The following FER variants were observed in gnomAD, a reference collection of about 807,000 sequenced individuals.
FER encodes tyrosine-protein kinase Fer.
FER carries 63 observed loss-of-function variants against 111.0 expected under a neutral mutation model. The observed-to-expected ratio is 0.57, with a 90% CI of 0.46 to 0.70. FER has a LOEUF of 0.70. Among genes scored for constraint, FER ranks in the 30% least tolerant of loss-of-function variants. The probability of loss-of-function intolerance (pLI) is 0.00; values close to 1 mark genes in which losing one functional copy is unlikely to be tolerated. For synonymous variants in FER, 327 were observed against 313.9 expected (o/e 1.04, Z -0.44); for missense variants, 914 against 954.0 (o/e 0.96, Z 0.55).
At chr5:109,024,708 A>T (rs114363232) in intron 13 of FER, among the ~76,000 whole-genome samples, 1,542 of 152,298 alleles carry the variant, frequency 0.01, 22 homozygotes, top group African/African-American at 0.035. Flanking sequence ...TCCTGAGAGC[A>T]GAAACTATAT....
chr5:109,070,041 C>T (rs1775584489), intron 16 of FER, among the ~76,000 whole-genome samples: 3 of 151,976 alleles, frequency 2.0e-5, no homozygotes, highest in South Asian at 2.1e-4. Context: ...GCCTATTCTC[C>T]TCATTAAGTG....
chr5:108,888,884 A>AC (rs530371922), intron 9 of FER, among the ~76,000 whole-genome samples: 79 of 151,896 alleles, frequency 5.2e-4, no homozygotes, highest in African/African-American at 1.6e-3. Context: ...AGAGACATAC[A>AC]CCCCCTGCAA....
intron 3 of FER, among the ~76,000 whole-genome samples, chr5:108,812,063 A>C (rs1757821901): frequency 6.6e-6 from 1 of 152,180 alleles, no homozygotes; most frequent in Admixed American, 6.5e-5. Context: ...AAAATTAAAC[A>C]TCACAGTTTC....
At chr5:109,096,482 C>G (rs1165260435) in intron 16 of FER, among the ~76,000 whole-genome samples, 1 of 151,882 alleles carries the variant, frequency 6.6e-6, no homozygotes, top group African/African-American at 2.4e-5. Context: ...TGGCTAGTAT[C>G]TTCACTCTTT....
intron 19 of FER, among the ~76,000 whole-genome samples, chr5:109,186,875 G>T (rs919160896): frequency 2.6e-5 from 4 of 152,200 alleles, no homozygotes; most frequent in South Asian, 2.1e-4. Context: ...CCAGTGAGGG[G>T]CATGGTTGTA....
At chr5:109,109,748 G>C (rs1157029237) in intron 17 of FER, among the ~76,000 whole-genome samples, 2 of 152,074 alleles carry the variant, frequency 1.3e-5, no homozygotes, top group East Asian at 3.8e-4. Flanking sequence ...TCCAGAAAAA[G>C]ATAGCCACAT....
At chr5:109,062,955 A>C (rs1256331298) in intron 16 of FER, among the ~76,000 whole-genome samples, 2 of 152,216 alleles carry the variant, frequency 1.3e-5, no homozygotes, top group Admixed American at 1.3e-4. Flanking sequence ...AGAATTTTTG[A>C]AGAGTTTTCA....
At chr5:108,758,133 C>T (rs975807205) in intron 1 of FER, among the ~76,000 whole-genome samples, 1 of 152,148 alleles carries the variant, frequency 6.6e-6, no homozygotes, top group Non-Finnish European at 1.5e-5. Context: ...AGGAATGGGA[C>T]AGAAAGCAGG....
At chr5:109,008,737 T>C (rs1765819986) in intron 13 of FER, among the ~76,000 whole-genome samples, 1 of 152,182 alleles carries the variant, frequency 6.6e-6, no homozygotes, top group Non-Finnish European at 1.5e-5. Context: ...TCCCAGCCTT[T>C]TGGGAGGCCG....
chr5:109,063,619 G>C (rs187359112), intron 16 of FER, among the ~76,000 whole-genome samples: 3 of 152,122 alleles, frequency 2.0e-5, no homozygotes, highest in African/African-American at 4.8e-5. Context: ...TTTTGAGGCC[G>C]ATTAAAAGAA....
At chr5:109,072,387 A>G (rs894560220) in intron 16 of FER, among the ~76,000 whole-genome samples, 3 of 151,094 alleles carry the variant, frequency 2.0e-5, no homozygotes, top group Non-Finnish European at 3.0e-5. Context: ...TTTTAATGGC[A>G]ACAACCGCGA....
intron 3 of FER, among the ~76,000 whole-genome samples, chr5:108,817,809 T>C (rs748461460): frequency 1.3e-5 from 2 of 152,222 alleles, no homozygotes; most frequent in African/African-American, 4.8e-5. Flanking sequence ...TTTCCCCTTA[T>C]GTGTAGTTTT....
At chr5:109,124,263 C>T (rs1293996850) in intron 17 of FER, among the ~76,000 whole-genome samples, 3 of 152,128 alleles carry the variant, frequency 2.0e-5, no homozygotes, top group Admixed American at 6.5e-5. Flanking sequence ...AAACTAGGTG[C>T]TTGGCAGTTT....
chr5:108,935,614 A>T (rs1755355206), intron 10 of FER, among the ~76,000 whole-genome samples: 1 of 152,130 alleles, frequency 6.6e-6, no homozygotes, highest in African/African-American at 2.4e-5. Flanking sequence ...TTATCAAGAA[A>T]GTTCTCAAAA....
At chr5:108,990,934 C>T (rs1028095386) in intron 13 of FER, among the ~76,000 whole-genome samples, 1 of 151,618 alleles carries the variant, frequency 6.6e-6, no homozygotes, top group Non-Finnish European at 1.5e-5. Context: ...AAAATATGTA[C>T]ATAACTTATG....
At chr5:109,142,830 G>A (rs1753671526) in intron 17 of FER, among the ~76,000 whole-genome samples, 1 of 152,124 alleles carries the variant, frequency 6.6e-6, no homozygotes, top group Non-Finnish European at 1.5e-5. Flanking sequence ...TCTGTGGAAG[G>A]TTGTGTTTTA....
At chr5:108,885,166 C>T (rs767936355) in intron 9 of FER, among the ~76,000 whole-genome samples, 5 of 151,922 alleles carry the variant, frequency 3.3e-5, no homozygotes, top group South Asian at 2.1e-4. Context: ...TTCTGAACTC[C>T]GTGGCCATGT....
intron 10 of FER, among the ~76,000 whole-genome samples, chr5:108,920,838 T>C (rs1425521344): frequency 6.6e-6 from 1 of 152,172 alleles, no homozygotes; most frequent in South Asian, 2.1e-4. Flanking sequence ...TATTCCTATA[T>C]AACCAGAATG....
chr5:109,174,731 C>T (rs189980953), intron 17 of FER, among the ~76,000 whole-genome samples: 71 of 152,250 alleles, frequency 4.7e-4, no homozygotes, highest in African/African-American at 1.6e-3. Context: ...ACTTCCTTTC[C>T]TAAAGGTCAT....
Sources: allele counts gnomAD v4.1 joint callset (sites outside exome capture counted in the v4.1 genomes callset), GRCh38; gene constraint gnomAD v4.1.1; transcripts MANE v1.5; gene names NCBI Gene and HGNC (gene_info 2026-07-23, HGNC 2026-07-21).